The following ADTRP variants were observed in gnomAD, a reference collection of about 807,000 sequenced individuals.
ADTRP encodes the protein androgen-dependent TFPI-regulating protein.
In ADTRP, 20 loss-of-function variants were observed where a neutral mutation model predicts 27.0. The observed-to-expected ratio is 0.74, with a 90% CI of 0.52 to 1.08. The LOEUF is 1.08. ADTRP is among the 50% of genes least tolerant of loss of function. ADTRP has a pLI of 0.00. For synonymous variants in ADTRP, 101 were observed against 105.2 expected (o/e 0.96, Z 0.25); for missense variants, 251 against 275.0 (o/e 0.91, Z 0.62).
chr6:11,744,175 C>T (rs1177105014), intron 3 of ADTRP, among the ~76,000 whole-genome samples: 4 of 152,150 alleles, frequency 2.6e-5, no homozygotes, highest in South Asian at 4.1e-4. Context: ...TCTTGCCTCT[C>T]TTCTTCTCTT....
intron 3 of ADTRP, among the ~76,000 whole-genome samples, chr6:11,749,527 G>A (rs966886341): frequency 6.6e-6 from 1 of 152,030 alleles, no homozygotes; most frequent in Non-Finnish European, 1.5e-5. Flanking sequence ...CATTAGCAAA[G>A]CAGAGGTCCC....
chr6:11,758,687 G>A (rs1053242610), intron 3 of ADTRP, among the ~76,000 whole-genome samples: 4 of 151,194 alleles, frequency 2.6e-5, no homozygotes, highest in Non-Finnish European at 5.9e-5. Context: ...CCTGCACGTT[G>A]TGCACATGTA....
chr6:11,736,693 GTC>G (rs1406479650), intron 3 of ADTRP: 2 of 152,390 alleles, frequency 1.3e-5, no homozygotes, highest in African/African-American at 4.8e-5. Context: ...CCATGATGCT[GTC>G]TCTGAATTTT....
chr6:11,720,540 C>T lies in ADTRP; in HGVS notation c.658+2809G>A, dbSNP rs576249266. 4.5e-3 allele frequency among the ~76,000 whole-genome samples: 686 copies of T among 151,432 alleles called. 3 individuals are homozygous for T. The highest frequency in any genetic ancestry group is 7.1e-3 in the Non-Finnish European group (485 of 67,900). Reference sequence around the variant, plus strand: ...AGGCTGGAGTGCAGTGGCGCGATCTCGGCTCACTGCAAGCTCCGCCTCCTG... The same window carrying T: ...AGGCTGGAGTGCAGTGGCGCGATCTTGGCTCACTGCAAGCTCCGCCTCCTG... On this transcript the variant is annotated intron_variant, in intron 5 of 5. Transcript: ENST00000414691.
At chr6:11,778,479 C>A in intron 1 of ADTRP, 128 bp downstream of exon 1, 2 of 1,324,388 alleles carry the variant, frequency 1.5e-6, no homozygotes, top group Non-Finnish European at 2.0e-6. Flanking sequence ...ACCCAAAACT[C>A]ACAAAACGGT....
At chr6:11,727,983 G>T (rs112819711) in intron 4 of ADTRP, among the ~76,000 whole-genome samples, 2,565 of 119,918 alleles carry the variant, frequency 0.021, 92 homozygotes, top group African/African-American at 0.071. Context: ...GGTAGGTAGG[G>T]AGGGAGGGAG....
chr6:11,734,331 G>T (rs757984215), intron 4 of ADTRP, among the ~76,000 whole-genome samples: 3 of 152,132 alleles, frequency 2.0e-5, no homozygotes, highest in African/African-American at 7.2e-5. Flanking sequence ...ACTTTTTCTT[G>T]GTAATGCCTC....
At position 11,760,312 on chromosome 6, in the gene ADTRP, C is replaced by A. The variant is rs148729064; in HGVS notation, c.390+5962G>T. Among the ~76,000 whole-genome samples the A allele has an allele frequency of 7.2e-5, 11 of 152,264 alleles. No homozygotes were observed. In the South Asian group the frequency reaches 1.0e-3, roughly 14 times the overall value. Reference sequence around the variant, plus strand: ...ACCAGCGAGTACGAAATTGCCAAGTCCAGTGGAAAGGTCTGACTCGAGTCC... The same window carrying A: ...ACCAGCGAGTACGAAATTGCCAAGTACAGTGGAAAGGTCTGACTCGAGTCC... On this transcript the variant is annotated intron_variant, in intron 3 of 5. Transcript: ENST00000414691.
intron 3 of ADTRP, among the ~76,000 whole-genome samples, chr6:11,758,468 G>A (rs1394161705): frequency 6.9e-6 from 1 of 144,684 alleles, no homozygotes; most frequent in Non-Finnish European, 1.5e-5. Flanking sequence ...ACTATCGCAA[G>A]GACAAAAAAC....
intron 3 of ADTRP, among the ~76,000 whole-genome samples, chr6:11,744,269 A>C (rs1298426560): frequency 6.6e-6 from 1 of 152,250 alleles, no homozygotes; most frequent in Admixed American, 6.5e-5. Flanking sequence ...AGATGTTAGC[A>C]GCATGCTTCC....
rs374417902 is a variant in ADTRP at position 11,778,754 on chromosome 6, C to A, written c.6G>T (p.Thr2=). Residue 2 remains threonine, a synonymous_variant, in exon 1 of 6, where the codon ACG becomes ACT. Transcript: ENST00000414691. M[T]KTSTCIYHFL... ...AGTGGTATATGCATGTAGAAGTCTT[C>A]GTCATGGCGAGTGCTGACCGGGGCA... 2 of 1,613,762 alleles carry A rather than the reference C, an allele frequency of 1.2e-6. No homozygotes were observed. The highest frequency in any genetic ancestry group is 1.7e-6 in the Non-Finnish European group (2 of 1,179,786).
At chr6:11,756,334 AAAT>A (rs58098801) in intron 3 of ADTRP, among the ~76,000 whole-genome samples, 54,297 of 150,896 alleles carry the variant, frequency 0.36, 12,793 homozygotes, top group African/African-American at 0.65. Flanking sequence ...ACTGTGTCTC[AAAT>A]AATAATAATA....
At chr6:11,760,255 C>A (rs762196143) in intron 3 of ADTRP, among the ~76,000 whole-genome samples, 9 of 152,180 alleles carry the variant, frequency 5.9e-5, no homozygotes, top group Admixed American at 1.3e-4. Context: ...ATCCTCCCCC[C>A]ACACACTCTC....
chr6:11,770,609 C>A (rs920012931), intron 1 of ADTRP, among the ~76,000 whole-genome samples: 1 of 151,980 alleles, frequency 6.6e-6, no homozygotes, highest in African/African-American at 2.4e-5. Context: ...AGCTTTCGAA[C>A]CAGAAAGGGG....
At chr6:11,761,785 T>G (rs1373686651) in intron 3 of ADTRP, among the ~76,000 whole-genome samples, 3 of 152,084 alleles carry the variant, frequency 2.0e-5, no homozygotes, top group African/African-American at 4.8e-5. Context: ...TACACAAAAT[T>G]TTATGGGTAT....
At chr6:11,744,465 A>G (rs1458744911) in intron 3 of ADTRP, among the ~76,000 whole-genome samples, 1 of 152,232 alleles carries the variant, frequency 6.6e-6, no homozygotes, top group Non-Finnish European at 1.5e-5. Flanking sequence ...GGTAGACTCA[A>G]TGAAAAGGCA....
chr6:11,777,857 AAT>A, intron 1 of ADTRP, among the ~76,000 whole-genome samples: 1 of 152,344 alleles, frequency 6.6e-6, no homozygotes, highest in Non-Finnish European at 1.5e-5. Context: ...CTCAAATATT[AAT>A]TCACATCCCC....
At chr6:11,721,111 G>T (rs1357144564) in intron 5 of ADTRP, among the ~76,000 whole-genome samples, 1 of 152,236 alleles carries the variant, frequency 6.6e-6, no homozygotes, top group African/African-American at 2.4e-5. Flanking sequence ...GGGAGGTAAA[G>T]GGGGAAGCAC....
chr6:11,739,305 C>T (rs776218093), intron 3 of ADTRP, among the ~76,000 whole-genome samples: 1 of 152,128 alleles, frequency 6.6e-6, no homozygotes, highest in Non-Finnish European at 1.5e-5. Flanking sequence ...CAATAGCATG[C>T]GTAAACAGAG....
Sources: gnomAD v4.1 joint callset for allele counts (sites outside exome capture counted in the v4.1 genomes callset) on GRCh38, gnomAD v4.1.1 for gene constraint, MANE v1.5 for transcripts, NCBI Gene and HGNC (gene_info 2026-07-23, HGNC 2026-07-21) for gene names.